Variants in ABCG1 observed in about 807,000 individuals in gnomAD.
ABCG1 encodes the protein ATP-binding cassette sub-family G member 1.
A neutral mutation model predicts 69.2 loss-of-function variants in ABCG1; 29 were observed. The observed-to-expected ratio is 0.42, with a 90% CI of 0.31 to 0.57. The LOEUF is 0.57. Among genes scored for constraint, ABCG1 ranks in the 20% least tolerant of loss-of-function variants. The pLI is 0.15. For missense variants in ABCG1, 718 were observed against 898.1 expected (o/e 0.80, Z 2.56); for synonymous variants, 370 against 374.8 (o/e 0.99, Z 0.15).
intron 1 of ABCG1, chr21:42,199,894 A>G (rs1028559843): frequency 6.6e-6 from 1 of 152,272 alleles, no homozygotes; most frequent in South Asian, 2.1e-4. Flanking sequence ...ATATCTTTAA[A>G]TATAAATGTA....
chr21:42,272,643 C>T (rs1416702352), intron 3 of ABCG1, among the ~76,000 whole-genome samples: 2 of 152,242 alleles, frequency 1.3e-5, no homozygotes, highest in Non-Finnish European at 2.9e-5. Context: ...GCTCCCAGAA[C>T]GGCAGGCAGC....
At chr21:42,275,227 GA>G (rs2068688841) in intron 4 of ABCG1, among the ~76,000 whole-genome samples, 3 of 152,200 alleles carry the variant, frequency 2.0e-5, no homozygotes, top group African/African-American at 7.2e-5. Flanking sequence ...TCTTTGTGGG[GA>G]AACAGAAGCA....
chr21:42,271,281 A>G, intron 3 of ABCG1, 94 bp downstream of exon 3: 1 of 806,994 alleles, frequency 1.2e-6, no homozygotes, highest in Non-Finnish European at 1.9e-6. Context: ...CATCACCTGG[A>G]GCAGGCTGTG....
chr21:42,203,611 C>T (rs779781574), intron 2 of ABCG1, among the ~76,000 whole-genome samples: 11 of 152,140 alleles, frequency 7.2e-5, no homozygotes, highest in African/African-American at 2.2e-4. Flanking sequence ...TTGGTCTTTG[C>T]GTCTGTCCTT....
At chr21:42,280,603 G>A (rs1222049498) in intron 5 of ABCG1, among the ~76,000 whole-genome samples, 1 of 152,236 alleles carries the variant, frequency 6.6e-6, no homozygotes, top group Non-Finnish European at 1.5e-5. Flanking sequence ...ACCCTTCTGG[G>A]TGGCATCACT....
chr21:42,229,814 G>A (rs1476864017), intron 2 of ABCG1, among the ~76,000 whole-genome samples: 1 of 152,190 alleles, frequency 6.6e-6, no homozygotes, highest in Non-Finnish European at 1.5e-5. Flanking sequence ...CGGGCGCAGA[G>A]CTGATTCACT....
At chr21:42,214,834 A>G (rs1342270771), upstream of ABCG1, among the ~76,000 whole-genome samples, 1 of 151,470 alleles carries the variant, frequency 6.6e-6, no homozygotes, top group Non-Finnish European at 1.5e-5. Context: ...AATTTGGGGG[A>G]AAAAAATCCC....
Position 42,282,398 on chromosome 21 carries a change from T to C in ABCG1, c.713T>C (p.Met238Thr). Residue 238 changes from methionine to threonine, a missense_variant, in exon 6 of 15, where the codon ATG becomes ACG. Transcript: ENST00000398449. ...ALELVNNPPV[M>T]FFDEPTSGLD... ...GAGCTGGTGAACAACCCTCCAGTCATGTTCTTCGATGAGCCCACCAGGTAA... is the reference window on the plus strand; with the variant it reads ...GAGCTGGTGAACAACCCTCCAGTCACGTTCTTCGATGAGCCCACCAGGTAA... 2 of 1,612,996 alleles carry C rather than the reference T, an allele frequency of 1.2e-6. No individual in the cohort carries two copies. The highest frequency in any genetic ancestry group is 1.7e-6 in the Non-Finnish European group (2 of 1,179,218).
intron 2 of ABCG1, among the ~76,000 whole-genome samples, chr21:42,229,769 C>T (rs1349360268): frequency 1.3e-5 from 2 of 151,936 alleles, no homozygotes; most frequent in Admixed American, 1.3e-4. Context: ...GTGCCTGGTC[C>T]CATGGTTCAC....
chr21:42,240,950 C>T (rs1385180218), intron 2 of ABCG1, among the ~76,000 whole-genome samples: 4 of 152,358 alleles, frequency 2.6e-5, no homozygotes, highest in African/African-American at 9.6e-5. Flanking sequence ...CCCGCACCAC[C>T]CAGGGGACCG....
intron 2 of ABCG1, chr21:42,259,164 A>G: frequency 7.5e-7 from 1 of 1,325,924 alleles, no homozygotes; most frequent in Non-Finnish European, 9.8e-7. Context: ...CCTGGGAGAC[A>G]TGTCTTGGTG....
rs888889744 is a variant in ABCG1, at chr21:42,296,112, G to A, written c.1773-52G>A. ...TGAACGACATTGACCTTCAGCCAAC[G>A]GCGTGGCTGGCTGGGAGAACGTCCT... On this transcript the variant is annotated intron_variant, in intron 14 of 14. Transcript: ENST00000398449. This position sits in a 1 kb window ranked among gnomAD's most constrained non-coding sequence, Gnocchi z 5.4. The A allele has an allele frequency of 2.7e-6, 4 of 1,502,336 alleles. No individual in the cohort carries two copies. Among genetic ancestry groups the A allele is most frequent in the Admixed American group, 1.7e-5 (1 of 59,714 alleles). The allele number at this position is 1,502,336 out of a possible 1,614,324, so 93.1% of individuals were successfully genotyped here.
At chr21:42,279,797 A>G (rs1207121864) in intron 5 of ABCG1, among the ~76,000 whole-genome samples, 1 of 152,152 alleles carries the variant, frequency 6.6e-6, no homozygotes, top group Non-Finnish European at 1.5e-5. Context: ...GGCCTGCCGG[A>G]GCTGGAAGAC....
At chr21:42,214,044 G>A (rs2123478252), upstream of ABCG1, among the ~76,000 whole-genome samples, 1 of 152,294 alleles carries the variant, frequency 6.6e-6, no homozygotes, top group East Asian at 1.9e-4. Context: ...GAACATATTT[G>A]GCATGTGAGA....
chr21:42,201,594 C>T, exon 2 of ABCG1: 1 of 1,548,664 alleles, frequency 6.5e-7, no homozygotes, highest in Non-Finnish European at 8.7e-7. Flanking sequence ...CCAACCTGAA[C>T]TTCGCTTCCT....
chr21:42,251,390 C>G (rs770252540), intron 2 of ABCG1, among the ~76,000 whole-genome samples: 1 of 152,168 alleles, frequency 6.6e-6, no homozygotes, highest in Non-Finnish European at 1.5e-5. Flanking sequence ...AATGAGATAA[C>G]AGAGGCTCAG....
intron 2 of ABCG1, among the ~76,000 whole-genome samples, chr21:42,243,467 T>C (rs1007067767): frequency 5.3e-5 from 8 of 150,374 alleles, no homozygotes; most frequent in African/African-American, 2.0e-4. Context: ...TGTGTGTGTG[T>C]GTGTGTGTGT....
At chr21:42,256,132 C>T in intron 2 of ABCG1, 1 of 1,382,254 alleles carries the variant, frequency 7.2e-7, no homozygotes, top group Non-Finnish European at 9.4e-7. Context: ...CCAAGCCTCT[C>T]CCTGTCTTGT....
At chr21:42,240,937 G>A (rs1015940469) in intron 2 of ABCG1, among the ~76,000 whole-genome samples, 12 of 152,280 alleles carry the variant, frequency 7.9e-5, no homozygotes, top group African/African-American at 1.9e-4. Flanking sequence ...CCAGATGTGC[G>A]TTCCCGCACC....
Sources: gnomAD v4.1 joint callset for allele counts (sites outside exome capture counted in the v4.1 genomes callset) on GRCh38, gnomAD v4.1.1 for gene constraint, Gnocchi (gnomAD v3.1) non-coding constraint, MANE v1.5 for transcripts, NCBI Gene and HGNC (gene_info 2026-07-23, HGNC 2026-07-21) for gene names.